Variants in CADM2 observed in about 807,000 individuals in gnomAD.
The protein encoded by CADM2 is cell adhesion molecule 2.
A neutral mutation model predicts 49.8 loss-of-function variants in CADM2; 12 were observed. The ratio of observed to expected loss-of-function variants is 0.24; its 90% CI spans 0.15 to 0.39. CADM2 has a LOEUF of 0.39. CADM2 is among the 10% of genes least tolerant of loss of function. The pLI is 1.00. For missense variants in CADM2, 378 were observed against 492.3 expected, an observed-to-expected ratio of 0.77 and a Z score of 2.20; for synonymous variants, 214 against 175.4, an observed-to-expected ratio of 1.22 and a Z score of -1.74.
intron 8 of CADM2, among the ~76,000 whole-genome samples, chr3:86,040,478 T>C (rs1735736187): frequency 6.6e-6 from 1 of 151,986 alleles, no homozygotes; most frequent in Non-Finnish European, 1.5e-5. Context: ...GAAGAAAGGG[T>C]ATCAGTGACG....
At chr3:85,429,805 T>C (rs1234703781) in intron 1 of CADM2, among the ~76,000 whole-genome samples, 1 of 152,186 alleles carries the variant, frequency 6.6e-6, no homozygotes, top group Non-Finnish European at 1.5e-5. Flanking sequence ...CCTATTTGTG[T>C]ATGTGTTGAG....
intron 1 of CADM2, among the ~76,000 whole-genome samples, chr3:85,322,760 C>G (rs2044648032): frequency 6.6e-6 from 1 of 152,116 alleles, no homozygotes; most frequent in Non-Finnish European, 1.5e-5. Context: ...TGCCTAAACA[C>G]TGAGATCCAT....
chr3:86,029,893 A>G (rs1578001444), intron 8 of CADM2, among the ~76,000 whole-genome samples: 1 of 152,038 alleles, frequency 6.6e-6, no homozygotes, highest in East Asian at 1.9e-4. Context: ...TAAAATTGTC[A>G]AAGGGATGAG....
At chr3:85,490,908 GA>G (rs1559866900) in intron 1 of CADM2, among the ~76,000 whole-genome samples, 1 of 151,346 alleles carries the variant, frequency 6.6e-6, no homozygotes, top group African/African-American at 2.4e-5. Context: ...TAAAAAATAA[GA>G]AGAAGAAAAC....
At chr3:85,191,116 G>C (rs1264056368) in intron 1 of CADM2, among the ~76,000 whole-genome samples, 1 of 151,880 alleles carries the variant, frequency 6.6e-6, no homozygotes. Context: ...ACAGATGTAG[G>C]CCAGGTAGCT....
At chr3:86,034,311 TAGA>T (rs1454979720) in intron 8 of CADM2, among the ~76,000 whole-genome samples, 1 of 152,018 alleles carries the variant, frequency 6.6e-6, no homozygotes, top group Non-Finnish European at 1.5e-5. Flanking sequence ...GTGATGGTAT[TAGA>T]AGGTGAAGCC....
At position 85,107,922 on chromosome 3, in the gene CADM2, G is replaced by C. The variant is rs6804768; in HGVS notation, c.61+148254G>C. Among the ~76,000 whole-genome samples the C allele has an allele frequency of 4.0e-5, 6 of 151,772 alleles. No homozygotes were observed. In the East Asian group the frequency reaches 7.8e-4, roughly 20 times the overall value. On this transcript the variant is annotated intron_variant, in intron 1 of 9. Transcript: ENST00000383699. ...TGCAATGTTTGGCCAGGCTGGTCTC[G>C]AACTCCTGACTTCAGGTGATCCACC...
chr3:85,169,492 A>G (rs1037449231), intron 1 of CADM2, among the ~76,000 whole-genome samples: 1 of 152,150 alleles, frequency 6.6e-6, no homozygotes, highest in Non-Finnish European at 1.5e-5. Flanking sequence ...CACTTCTTGT[A>G]TGGGTGTGGT....
chr3:85,479,296 A>G (rs921239035), intron 1 of CADM2, among the ~76,000 whole-genome samples: 1 of 151,868 alleles, frequency 6.6e-6, no homozygotes, highest in Non-Finnish European at 1.5e-5. Flanking sequence ...GGAAACTCCC[A>G]TTTAGTGGAC....
chr3:85,991,887 T>G (rs1290505688), intron 8 of CADM2, among the ~76,000 whole-genome samples: 1 of 152,066 alleles, frequency 6.6e-6, no homozygotes, highest in Admixed American at 6.6e-5. Context: ...TATTGACCTA[T>G]GAAGTCGCTT....
intron 1 of CADM2, among the ~76,000 whole-genome samples, chr3:85,298,861 C>T (rs1018762096): frequency 1.3e-5 from 2 of 151,754 alleles, no homozygotes; most frequent in African/African-American, 2.4e-5. Context: ...CTAAAAATAC[C>T]AGTGAAAGGA....
At chr3:85,495,128 A>G (rs1381474174) in intron 1 of CADM2, among the ~76,000 whole-genome samples, 3 of 152,256 alleles carry the variant, frequency 2.0e-5, no homozygotes, top group South Asian at 4.1e-4. Context: ...TTTAAACACT[A>G]TAGTTTTTAA....
At chr3:85,660,912 TA>T (rs562976361) in intron 1 of CADM2, among the ~76,000 whole-genome samples, 4,183 of 138,174 alleles carry the variant, frequency 0.03, 170 homozygotes, top group African/African-American at 0.1. Context: ...ATAATCAAAC[TA>T]AAAAAAAAAA....
intron 1 of CADM2, among the ~76,000 whole-genome samples, chr3:85,389,147 C>T (rs1001423159): frequency 2.6e-5 from 4 of 151,922 alleles, no homozygotes; most frequent in Non-Finnish European, 4.4e-5. Flanking sequence ...ATTTCTATGG[C>T]GCCATAGAGT....
At chr3:85,010,851 CTT>C (rs71105001) in intron 1 of CADM2, among the ~76,000 whole-genome samples, 307 of 35,518 alleles carry the variant, frequency 8.6e-3, no homozygotes, top group African/African-American at 0.011. Context: ...CTGTTTATGT[CTT>C]TTTTTTTTTT....
chr3:85,019,417 A>T (rs565688935), intron 1 of CADM2, among the ~76,000 whole-genome samples: 21 of 152,266 alleles, frequency 1.4e-4, no homozygotes, highest in African/African-American at 5.1e-4. Context: ...CAGGAGGTCG[A>T]GGCTGCAGTG....
chr3:85,840,536 A>G (rs2074597141), intron 3 of CADM2, among the ~76,000 whole-genome samples: 1 of 151,914 alleles, frequency 6.6e-6, no homozygotes, highest in Non-Finnish European at 1.5e-5. Context: ...TTTATTTAAA[A>G]CAACTAGGAT....
At chr3:85,006,195 C>T (rs766486894) in intron 1 of CADM2, among the ~76,000 whole-genome samples, 6 of 152,130 alleles carry the variant, frequency 3.9e-5, no homozygotes, top group Non-Finnish European at 7.4e-5. Context: ...TTAGAGCTGA[C>T]TCTGAGCCCA....
At chr3:85,061,080 A>G (rs1390456619) in intron 1 of CADM2, among the ~76,000 whole-genome samples, 1 of 152,158 alleles carries the variant, frequency 6.6e-6, no homozygotes, top group African/African-American at 2.4e-5. Flanking sequence ...AATTGTTAAT[A>G]AAATGTTGCT....
Sources: gnomAD v4.1 joint callset for allele counts (sites outside exome capture counted in the v4.1 genomes callset) on GRCh38, gnomAD v4.1.1 for gene constraint, MANE v1.5 for transcripts, NCBI Gene and HGNC (gene_info 2026-07-23, HGNC 2026-07-21) for gene names.